Variants in TSPEAR observed in about 807,000 individuals in gnomAD.
The protein encoded by TSPEAR is thrombospondin-type laminin G domain and EAR repeat-containing protein.
TSPEAR carries 69 observed loss-of-function variants against 71.6 expected under a neutral mutation model. That is an observed-to-expected ratio of 0.96 (90% confidence interval 0.79 to 1.18). TSPEAR has a LOEUF of 1.18. Ranked by LOEUF, TSPEAR falls within the 50% of genes most tolerant of loss-of-function variation. The pLI, the probability that TSPEAR is intolerant of heterozygous loss-of-function variation, is 0.00. For missense variants in TSPEAR, 971 were observed against 894.9 expected (o/e 1.09, Z -1.09); for synonymous variants, 402 against 387.2 (o/e 1.04, Z -0.45).
At chr21:44,616,459 C>G (rs1982102484) in intron 1 of TSPEAR, among the ~76,000 whole-genome samples, 1 of 152,206 alleles carries the variant, frequency 6.6e-6, no homozygotes, top group Non-Finnish European at 1.5e-5. Context: ...GGGCTCTTAC[C>G]TTTCACAGCC....
Position 44,533,678 on chromosome 21 carries a change from T to C in TSPEAR, c.542+7A>G. On this transcript the variant is annotated splice_region_variant and intron_variant, in intron 3 of 11. Transcript: ENST00000323084. Reference sequence around the variant, plus strand: ...TGCAGGTGCACCCTCCCCGGGTGGGTACCTACATGTCCACCGGGAGGCCGC... The same window carrying C: ...TGCAGGTGCACCCTCCCCGGGTGGGCACCTACATGTCCACCGGGAGGCCGC... 1.9e-6 allele frequency: 3 copies of C among 1,601,880 alleles called. No individual in the cohort carries two copies. The highest frequency in any genetic ancestry group is 2.6e-6 in the Non-Finnish European group (3 of 1,173,306).
chr21:44,558,151 A>G (rs781817495), intron 2 of TSPEAR: 1 of 1,613,326 alleles, frequency 6.2e-7, no homozygotes, highest in Admixed American at 1.7e-5. Flanking sequence ...GCCGGGCGGC[A>G]GCAGCTGGGC....
At chr21:44,654,591 C>T (rs1555942202) in intron 1 of TSPEAR, 18 of 1,586,824 alleles carry the variant, frequency 1.1e-5, no homozygotes, top group East Asian at 4.5e-5. Context: ...TTGGGCAGCC[C>T]GAAGAGTGGC....
chr21:44,504,976 G>GA, intron 10 of TSPEAR, 95 bp from the exon 11 acceptor site: 1 of 910,574 alleles, frequency 1.1e-6, no homozygotes, highest in South Asian at 1.4e-5. Flanking sequence ...TATAGAGGAG[G>GA]AGCCGGGGCC....
intron 1 of TSPEAR, among the ~76,000 whole-genome samples, chr21:44,605,926 C>T (rs782004375): frequency 1.3e-5 from 2 of 151,882 alleles, no homozygotes; most frequent in Non-Finnish European, 2.9e-5. Flanking sequence ...AAAAGCACAC[C>T]TAACAAAATA....
intron 1 of TSPEAR, among the ~76,000 whole-genome samples, chr21:44,661,802 A>C (rs1378404924): frequency 6.6e-6 from 1 of 152,156 alleles, no homozygotes; most frequent in Non-Finnish European, 1.5e-5. Context: ...GCCTTTAAAC[A>C]ACCAGGTCTC....
chr21:44,674,597 G>A (rs1294023510), intron 1 of TSPEAR, among the ~76,000 whole-genome samples: 3 of 152,094 alleles, frequency 2.0e-5, no homozygotes, highest in Non-Finnish European at 4.4e-5. Flanking sequence ...CATGCCTGTA[G>A]TCTCAGATGC....
At chr21:44,603,024 G>A (rs1350033776) in intron 1 of TSPEAR, among the ~76,000 whole-genome samples, 5 of 150,712 alleles carry the variant, frequency 3.3e-5, no homozygotes, top group African/African-American at 1.2e-4. Flanking sequence ...GTGCATTTCT[G>A]GTAGTGCTTC....
At chr21:44,531,277 C>G (rs75009873) in intron 3 of TSPEAR, 144 bp from the exon 4 acceptor site, 7 of 655,302 alleles carry the variant, frequency 1.1e-5, no homozygotes, top group East Asian at 5.6e-5. Flanking sequence ...CAGGGCTGAT[C>G]GCCTGCACAG....
intron 1 of TSPEAR, among the ~76,000 whole-genome samples, chr21:44,585,098 G>T (rs1198688689): frequency 2.6e-5 from 4 of 152,120 alleles, no homozygotes; most frequent in African/African-American, 9.7e-5. Flanking sequence ...TGAAAAGAGG[G>T]GGTCGTGCTC....
At chr21:44,627,148 A>G (rs1260631821) in intron 1 of TSPEAR, 4 of 1,603,848 alleles carry the variant, frequency 2.5e-6, no homozygotes, top group Non-Finnish European at 3.4e-6. Context: ...CACCTCCCCC[A>G]GCTCACCTCC....
At chr21:44,636,093 T>G (rs1983547229) in intron 1 of TSPEAR, among the ~76,000 whole-genome samples, 1 of 152,252 alleles carries the variant, frequency 6.6e-6, no homozygotes, top group Non-Finnish European at 1.5e-5. Flanking sequence ...ATCTTCCACC[T>G]GTCATGGAGA....
rs200984517 is a variant in TSPEAR, at chr21:44,711,410, G to A, written c.82+23C>T. The A allele has an allele frequency of 1.5e-3, 2,350 of 1,573,206 alleles. 3 individuals are homozygous for A. Among genetic ancestry groups the A allele is most frequent in the Non-Finnish European group, 1.9e-3 (2,150 of 1,158,880 alleles). On this transcript the variant is annotated intron_variant, in intron 1 of 11. Transcript: ENST00000323084. This position sits in a 1 kb window ranked among gnomAD's most constrained non-coding sequence, Gnocchi z 4.5. Reference sequence around the variant, plus strand: ...GCTCCCCGGCAAGATACCCCCGCCCGAGTTCCCATGCCCCTGCCTTACCTG... The same window carrying A: ...GCTCCCCGGCAAGATACCCCCGCCCAAGTTCCCATGCCCCTGCCTTACCTG...
intron 1 of TSPEAR, among the ~76,000 whole-genome samples, chr21:44,670,750 T>G (rs1986016463): frequency 6.6e-6 from 1 of 152,160 alleles, no homozygotes. Flanking sequence ...CCTGAGCAGC[T>G]GTAGCATGGT....
At chr21:44,528,686 T>A in intron 5 of TSPEAR, 103 bp from the exon 6 acceptor site, 1 of 1,461,980 alleles carries the variant, frequency 6.8e-7, no homozygotes, top group Non-Finnish European at 9.2e-7. Context: ...CCTCAGCCTC[T>A]GCATGCGGGC....
intron 10 of TSPEAR, among the ~76,000 whole-genome samples, chr21:44,505,230 C>A (rs1166248598): frequency 6.6e-6 from 1 of 151,998 alleles, no homozygotes; most frequent in Non-Finnish European, 1.5e-5. Flanking sequence ...AAGTGTGCGG[C>A]ACCACGCCCG....
intron 1 of TSPEAR, chr21:44,601,547 T>A: frequency 6.2e-7 from 1 of 1,613,604 alleles, no homozygotes; most frequent in Non-Finnish European, 8.5e-7. Context: ...TCCTCCTCCG[T>A]GTCCCTCCTC....
At chr21:44,703,241 G>A (rs561426850) in intron 1 of TSPEAR, among the ~76,000 whole-genome samples, 5 of 152,286 alleles carry the variant, frequency 3.3e-5, no homozygotes, top group South Asian at 2.1e-4. Flanking sequence ...CCCTAGAGAC[G>A]AGCCACGTCA....
intron 1 of TSPEAR, among the ~76,000 whole-genome samples, chr21:44,569,014 C>T (rs2053747239): frequency 6.6e-6 from 1 of 152,180 alleles, no homozygotes; most frequent in Non-Finnish European, 1.5e-5. Flanking sequence ...AAGCAGAGGC[C>T]TTCCTCCCCC....
Sources: gnomAD v4.1 joint callset for allele counts (sites outside exome capture counted in the v4.1 genomes callset) on GRCh38, gnomAD v4.1.1 for gene constraint, Gnocchi (gnomAD v3.1) non-coding constraint, MANE v1.5 for transcripts, NCBI Gene and HGNC (gene_info 2026-07-23, HGNC 2026-07-21) for gene names.